Variants in SSBP2 observed in about 807,000 individuals in gnomAD.
SSBP2 encodes the protein single stranded DNA binding protein 2, also known as single-stranded DNA-binding protein 2.
Under a neutral mutation model 61.8 loss-of-function variants are expected in SSBP2, and 17 were observed. That is an observed-to-expected ratio of 0.28 (90% confidence interval 0.19 to 0.41). SSBP2 has a LOEUF of 0.41. SSBP2 is among the 10% of genes least tolerant of loss of function. The pLI is 1.00. For synonymous variants in SSBP2, 139 were observed against 141.3 expected, an observed-to-expected ratio of 0.98 and a Z score of 0.12; for missense variants, 310 against 458.7, an observed-to-expected ratio of 0.68 and a Z score of 2.96.
intron 10 of SSBP2, among the ~76,000 whole-genome samples, chr5:81,449,395 A>G (rs1176330888): frequency 6.6e-6 from 1 of 152,220 alleles, no homozygotes; most frequent in East Asian, 1.9e-4. Flanking sequence ...CTATGTTTAA[A>G]AGTAAGCCCT....
At chr5:81,504,791 A>C (rs1188709954) in intron 5 of SSBP2, among the ~76,000 whole-genome samples, 1 of 152,208 alleles carries the variant, frequency 6.6e-6, no homozygotes, top group African/African-American at 2.4e-5. Flanking sequence ...TATCTTGTTC[A>C]CTGTAGTGAC....
chr5:81,605,314 C>G (rs1437657413), intron 4 of SSBP2, among the ~76,000 whole-genome samples: 2 of 152,070 alleles, frequency 1.3e-5, no homozygotes, highest in African/African-American at 2.4e-5. Context: ...ATTATTCCTT[C>G]TTTAGATTTC....
intron 1 of SSBP2, among the ~76,000 whole-genome samples, chr5:81,700,631 A>G (rs1753917853): frequency 6.6e-6 from 1 of 152,230 alleles, no homozygotes; most frequent in Admixed American, 6.5e-5. Context: ...AACTACACTG[A>G]AAATCTCTTG....
In SSBP2 at chr5:81,735,619, G is replaced by T. The variant is rs138974769; in HGVS notation, c.62+15362C>A. ...AGTGAATATGCAACCATCCATTTTT[G>T]ATTTTCGAATATTTTTAATCCACTA... On this transcript the variant is annotated intron_variant, in intron 1 of 16. Coordinates refer to ENST00000320672, the MANE Select transcript of SSBP2 (RefSeq NM_012446.5). Among the ~76,000 whole-genome samples, 339 of 152,196 alleles carry T rather than the reference G, an allele frequency of 2.2e-3. 2 individuals carry two copies. Among genetic ancestry groups the T allele is most frequent in the African/African-American group, 7.6e-3 (315 of 41,548 alleles).
chr5:81,653,751 G>A (rs1481247592), intron 1 of SSBP2, among the ~76,000 whole-genome samples: 1 of 152,096 alleles, frequency 6.6e-6, no homozygotes, highest in Non-Finnish European at 1.5e-5. Flanking sequence ...CTTCTTTTGA[G>A]AAGTAACTGT....
chr5:81,667,194 G>T (rs1250837948), intron 1 of SSBP2, among the ~76,000 whole-genome samples: 1 of 151,950 alleles, frequency 6.6e-6, no homozygotes, highest in Non-Finnish European at 1.5e-5. Context: ...TCCAAATACA[G>T]AACAACAGTC....
intron 1 of SSBP2, among the ~76,000 whole-genome samples, chr5:81,681,865 C>T (rs746679405): frequency 6.6e-6 from 1 of 152,048 alleles, no homozygotes; most frequent in Admixed American, 6.6e-5. Context: ...TTACTAATAT[C>T]TGAAATGAAA....
intron 4 of SSBP2, among the ~76,000 whole-genome samples, chr5:81,518,365 G>A (rs10473849): frequency 0.017 from 2,644 of 152,032 alleles, 69 homozygotes; most frequent in African/African-American, 0.058. Flanking sequence ...ATTAAGAGGC[G>A]GGCCCTTTAG....
intron 4 of SSBP2, among the ~76,000 whole-genome samples, chr5:81,589,453 C>T (rs1775327288): frequency 1.3e-5 from 2 of 152,278 alleles, no homozygotes; most frequent in African/African-American, 2.4e-5. Flanking sequence ...AAAATAAATG[C>T]TCTTTTCACC....
At chr5:81,465,500 A>C (rs1232454451) in intron 9 of SSBP2, among the ~76,000 whole-genome samples, 1 of 152,036 alleles carries the variant, frequency 6.6e-6, no homozygotes, top group Non-Finnish European at 1.5e-5. Context: ...GGGAAAACTA[A>C]GTGGATTTAA....
chr5:81,735,559 G>A (rs2154003134), intron 1 of SSBP2, among the ~76,000 whole-genome samples: 1 of 151,558 alleles, frequency 6.6e-6, no homozygotes, highest in African/African-American at 2.4e-5. Flanking sequence ...GTATTGTTTA[G>A]AGATTAATGA....
chr5:81,445,456 T>C (rs1288868714), intron 12 of SSBP2, among the ~76,000 whole-genome samples: 2 of 151,996 alleles, frequency 1.3e-5, no homozygotes, highest in African/African-American at 4.8e-5. Flanking sequence ...ATTATTCACA[T>C]GCTACCTTCA....
intron 4 of SSBP2, among the ~76,000 whole-genome samples, chr5:81,589,164 A>G (rs1289429697): frequency 6.6e-6 from 1 of 152,234 alleles, no homozygotes; most frequent in African/African-American, 2.4e-5. Context: ...AAGGTCACGT[A>G]TCAAAAAGTC....
intron 5 of SSBP2, among the ~76,000 whole-genome samples, chr5:81,501,682 C>G (rs1227823965): frequency 2.0e-5 from 3 of 151,390 alleles, no homozygotes; most frequent in Non-Finnish European, 4.4e-5. Flanking sequence ...CTCGCCTCAG[C>G]CTCCTGAGTA....
chr5:81,501,248 TATATATATATATATATATATACAC>T lies in SSBP2; in HGVS notation c.373-11963_373-11940del, dbSNP rs1232900291. Among the ~76,000 whole-genome samples, 218 of 55,806 alleles carry T rather than the reference TATATATATATATATATATATACAC, an allele frequency of 3.9e-3. 25 individuals are homozygous for T. Among genetic ancestry groups the T allele is most frequent in the African/African-American group, 0.028 (198 of 7,072 alleles). The allele number at this position is 55,806 out of a possible 152,430, so 36.6% of individuals were successfully genotyped here. Reference sequence around the variant, plus strand: ...ATATATATATATATATATATATATATATATATATATATATATATATACACACACACACACATGCACATACACCCA... The same window carrying T: ...ATATATATATATATATATATATATATACACACACACATGCACATACACCCA... On this transcript the variant is annotated intron_variant, in intron 5 of 16. Coordinates refer to ENST00000320672, the MANE Select transcript of SSBP2 (RefSeq NM_012446.5).
At chr5:81,742,182 A>G (rs1757068790) in intron 1 of SSBP2, among the ~76,000 whole-genome samples, 1 of 152,228 alleles carries the variant, frequency 6.6e-6, no homozygotes, top group African/African-American at 2.4e-5. Flanking sequence ...AAAACTATAA[A>G]GTACAATTTC....
At chr5:81,578,449 T>C (rs1398465425) in intron 4 of SSBP2, among the ~76,000 whole-genome samples, 2 of 151,978 alleles carry the variant, frequency 1.3e-5, no homozygotes, top group Non-Finnish European at 2.9e-5. Flanking sequence ...AAAGTCATCA[T>C]ATAATTGAAT....
intron 4 of SSBP2, among the ~76,000 whole-genome samples, chr5:81,558,160 C>G (rs1449883541): frequency 1.3e-5 from 2 of 152,076 alleles, no homozygotes; most frequent in East Asian, 3.9e-4. Context: ...CTGTGCTTTC[C>G]CTAAATAAAA....
At chr5:81,444,437 T>A (rs1763240732) in intron 12 of SSBP2, among the ~76,000 whole-genome samples, 1 of 152,162 alleles carries the variant, frequency 6.6e-6, no homozygotes, top group African/African-American at 2.4e-5. Context: ...GCATGAGTGC[T>A]CCCCTCCCAC....
Sources: gnomAD v4.1 joint callset for allele counts (sites outside exome capture counted in the v4.1 genomes callset) on GRCh38, gnomAD v4.1.1 for gene constraint, MANE v1.5 for transcripts, NCBI Gene and HGNC (gene_info 2026-07-23, HGNC 2026-07-21) for gene names.